The following SLC12A1 variants were observed in gnomAD, a reference collection of about 807,000 sequenced individuals.
The protein encoded by SLC12A1 is Na-K-2Cl cotransporter.
In SLC12A1, 89 loss-of-function variants were observed where a neutral mutation model predicts 130.4. The ratio of observed to expected loss-of-function variants is 0.68; its 90% confidence interval spans 0.58 to 0.81. SLC12A1 has a LOEUF of 0.81. Among genes scored for constraint, SLC12A1 ranks in the 40% least tolerant of loss-of-function variants. The pLI is 0.00. For missense variants in SLC12A1, 1,310 were observed against 1,336.4 expected, an observed-to-expected ratio of 0.98 and a Z score of 0.31; for synonymous variants, 499 against 460.0, an observed-to-expected ratio of 1.08 and a Z score of -1.09.
chr15:48,233,230 G>C (rs1433395722), intron 8 of SLC12A1, among the ~76,000 whole-genome samples: 1 of 152,196 alleles, frequency 6.6e-6, no homozygotes, highest in South Asian at 2.1e-4. Context: ...CACCTAATGT[G>C]ACTGGGTCTC....
intron 15 of SLC12A1, among the ~76,000 whole-genome samples, chr15:48,253,045 A>C (rs1487520500): frequency 6.6e-6 from 1 of 152,200 alleles, no homozygotes; most frequent in Admixed American, 6.5e-5. Flanking sequence ...CATGTATATT[A>C]AATTTAAGAG....
rs8034175 is a variant in SLC12A1 at position 48,270,349 on chromosome 15, T to C, written c.2402+585T>C. 4.8e-3 allele frequency among the ~76,000 whole-genome samples: 734 copies of C among 152,272 alleles called. 8 individuals are homozygous for C. Among genetic ancestry groups the C allele is most frequent in the Middle Eastern group, 0.044 (13 of 294 alleles). The stretch of plus-strand genomic sequence containing the variant: ...GATAGATCTTAAAGGACTAGCAGGC[T>C]GCAGGCTAATGTCTTTAACATGTAT... On this transcript the variant is annotated intron_variant, in intron 19 of 26. Coordinates refer to ENST00000380993, the MANE Select transcript of SLC12A1 (RefSeq NM_000338.3).
In SLC12A1 at chr15:48,267,530, G is replaced by A. The variant is rs28476729; in HGVS notation, c.2155-31G>A. On this transcript the variant is annotated intron_variant, in intron 17 of 26. Transcript: ENST00000380993. ...CAGCAATGTGATATATAATAGCAGG[G>A]TTCTAACCAATATTTCATTGTGTCA... The A allele has an allele frequency of 4.1e-3, 6,544 of 1,612,042 alleles. 235 individuals are homozygous for A. The African/African-American group carries it at 0.078, about 19-fold the overall frequency.
chr15:48,291,922 G>T, intron 24 of SLC12A1, 58 bp downstream of exon 24: 2 of 1,087,104 alleles, frequency 1.8e-6, no homozygotes, highest in Non-Finnish European at 2.7e-6. Context: ...ATTCTCTTTT[G>T]TGTTGATTAT....
At chr15:48,250,200 C>T (rs2041630721) in intron 14 of SLC12A1, among the ~76,000 whole-genome samples, 1 of 152,138 alleles carries the variant, frequency 6.6e-6, no homozygotes, top group Admixed American at 6.5e-5. Context: ...AGAACCTTCC[C>T]CTTTCTAGTC....
chr15:48,247,317 C>A lies in SLC12A1; in HGVS notation c.1561-20C>A, dbSNP rs201355217. The stretch of plus-strand genomic sequence containing the variant: ...GTGCATAGCTATAAATGACAAATTT[C>A]TTCTCTTCTTTTCCATTAGGCTCTG... On this transcript the variant is annotated intron_variant, in intron 12 of 26. Coordinates refer to ENST00000380993, the MANE Select transcript of SLC12A1 (RefSeq NM_000338.3). The A allele has an allele frequency of 1.1e-5, 17 of 1,594,318 alleles. No homozygotes were observed. The East Asian group carries it at 2.7e-4, about 25-fold the overall frequency.
intron 16 of SLC12A1, among the ~76,000 whole-genome samples, chr15:48,257,033 T>C (rs914726871): frequency 2.6e-5 from 4 of 152,154 alleles, no homozygotes; most frequent in African/African-American, 9.7e-5. Flanking sequence ...AGGCATTTGG[T>C]AAATACACCT....
intron 17 of SLC12A1, 33 bp from the exon 18 acceptor site, chr15:48,267,528 G>A: frequency 6.2e-7 from 1 of 1,611,110 alleles, no homozygotes; most frequent in Non-Finnish European, 8.5e-7. Flanking sequence ...TATAATAGCA[G>A]GGTTCTAACC....
At chr15:48,299,941 C>A (rs1174569567) in intron 25 of SLC12A1, among the ~76,000 whole-genome samples, 1 of 152,196 alleles carries the variant, frequency 6.6e-6, no homozygotes, top group Non-Finnish European at 1.5e-5. Context: ...ACAAGAACTT[C>A]TAAACTACAA....
Position 48,247,327 on chromosome 15 carries a change from T to C in SLC12A1, c.1561-10T>C. On this transcript the variant is annotated splice_polypyrimidine_tract_variant and intron_variant, in intron 12 of 26. Transcript: ENST00000380993. Reference sequence around the variant, plus strand: ...ATAAATGACAAATTTCTTCTCTTCTTTTCCATTAGGCTCTGTGCAAGGACA... The same window carrying C: ...ATAAATGACAAATTTCTTCTCTTCTCTTCCATTAGGCTCTGTGCAAGGACA... The C allele has an allele frequency of 6.3e-7, 1 of 1,597,106 alleles. No individual in the cohort carries two copies. Among genetic ancestry groups the C allele is most frequent in the South Asian group, 1.2e-5 (1 of 86,518 alleles).
chr15:48,244,962 A>G, intron 11 of SLC12A1, 58 bp downstream of exon 11: 1 of 1,485,060 alleles, frequency 6.7e-7, no homozygotes, highest in Non-Finnish European at 9.4e-7. Context: ...TGAATGTCAC[A>G]TAGAGTAAGA....
chr15:48,236,436 T>A (rs2041440922), intron 9 of SLC12A1, among the ~76,000 whole-genome samples: 1 of 152,066 alleles, frequency 6.6e-6, no homozygotes, highest in African/African-American at 2.4e-5. Context: ...CAGTGAGAAG[T>A]CTCTTACAGT....
At chr15:48,302,408 C>A in intron 26 of SLC12A1, among the ~76,000 whole-genome samples, 5 of 151,364 alleles carry the variant, frequency 3.3e-5, no homozygotes, top group South Asian at 2.1e-4. Flanking sequence ...ATCATGAGGT[C>A]AGGAGATCGA....
intron 11 of SLC12A1, among the ~76,000 whole-genome samples, chr15:48,245,922 G>A (rs1330320655): frequency 3.9e-5 from 6 of 152,222 alleles, no homozygotes; most frequent in African/African-American, 1.4e-4. Context: ...AAAGCTAAGA[G>A]AGAAATTGTG....
At chr15:48,300,755 T>C (rs1467912249) in intron 25 of SLC12A1, among the ~76,000 whole-genome samples, 1 of 152,254 alleles carries the variant, frequency 6.6e-6, no homozygotes, top group Admixed American at 6.5e-5. Context: ...TGCAAAGTGG[T>C]TATTTTTCCA....
intron 17 of SLC12A1, among the ~76,000 whole-genome samples, chr15:48,261,400 C>T (rs1228847949): frequency 1.3e-5 from 2 of 152,166 alleles, no homozygotes; most frequent in Non-Finnish European, 1.5e-5. Context: ...CCACCAATGG[C>T]CCTGTTTGTT....
Position 48,213,730 on chromosome 15 carries a change from A to G in SLC12A1, c.420+5591A>G, listed in dbSNP as rs184342993. On this transcript the variant is annotated intron_variant, in intron 2 of 26. Coordinates refer to ENST00000380993, the MANE Select transcript of SLC12A1 (RefSeq NM_000338.3). Reference sequence around the variant, plus strand: ...AGTAGAGACAGGGTTTCACCGTGTTAGCCAGGATGGTCTCGATCTCCTGAC... The same window carrying G: ...AGTAGAGACAGGGTTTCACCGTGTTGGCCAGGATGGTCTCGATCTCCTGAC... 2.6e-3 allele frequency among the ~76,000 whole-genome samples: 400 copies of G among 152,018 alleles called. 1 individual carries two copies. The highest frequency in any genetic ancestry group is 8.9e-3 in the African/African-American group (367 of 41,446).
At chr15:48,245,191 G>C (rs2041563648) in intron 11 of SLC12A1, among the ~76,000 whole-genome samples, 1 of 152,180 alleles carries the variant, frequency 6.6e-6, no homozygotes. Context: ...AAGATTTCAT[G>C]GTGGAAAGGA....
chr15:48,267,485 T>C, intron 17 of SLC12A1, 76 bp from the exon 18 acceptor site: 3 of 1,535,570 alleles, frequency 2.0e-6, no homozygotes, highest in South Asian at 2.3e-5. Flanking sequence ...TGCTGGCTAT[T>C]TTTGTCCTTT....
Sources: gnomAD v4.1 joint callset for allele counts (sites outside exome capture counted in the v4.1 genomes callset) on GRCh38, gnomAD v4.1.1 for gene constraint, MANE v1.5 for transcripts, NCBI Gene and HGNC (gene_info 2026-07-23, HGNC 2026-07-21) for gene names.